PCDHA8: variants seen among roughly 807,000 people sequenced by gnomAD.
PCDHA8 encodes protocadherin alpha 8.
Under a neutral mutation model 61.8 loss-of-function variants are expected in PCDHA8, and 53 were observed. The observed-to-expected ratio is 0.86, with a 90% CI of 0.69 to 1.08. The LOEUF (loss-of-function observed/expected upper bound fraction) is 1.08. PCDHA8 is among the 50% of genes least tolerant of loss of function. The pLI is 0.00. For synonymous variants in PCDHA8, 618 were observed against 556.6 expected (o/e 1.11, Z -1.55); for missense variants, 1,293 against 1,245.0 (o/e 1.04, Z -0.58).
chr5:140,892,408 G>C (rs1323060042), intron 1 of PCDHA8, among the ~76,000 whole-genome samples: 1 of 152,054 alleles, frequency 6.6e-6, no homozygotes, highest in Non-Finnish European at 1.5e-5. Context: ...TCAAGCTTCA[G>C]GTATTCTAGA....
rs1164377412 is a variant in PCDHA8 at position 140,857,264 on chromosome 5, T to C, written c.2394+13549T>C. The stretch of plus-strand genomic sequence containing the variant: ...GTCCACCTACAAGAATTACTACTCA[T>C]TGGTGCTGGACAGCGCTCTGGACCG... On this transcript the variant is annotated intron_variant, in intron 1 of 3. Transcript: ENST00000531613. 5.0e-6 allele frequency: 8 copies of C among 1,598,636 alleles called. 1 individual carries two copies. The highest frequency in any genetic ancestry group is 2.2e-5 in the East Asian group (1 of 44,850).
At chr5:140,968,455 G>C in intron 1 of PCDHA8, 2 of 1,614,084 alleles carry the variant, frequency 1.2e-6, no homozygotes, top group Non-Finnish European at 1.7e-6. Context: ...GCAGCACTGT[G>C]ACTGCCAACG....
intron 1 of PCDHA8, chr5:140,871,303 G>T: frequency 6.2e-7 from 1 of 1,613,972 alleles, no homozygotes; most frequent in Non-Finnish European, 8.5e-7. Flanking sequence ...GTGCGCGCCG[G>T]GGAAGCCCAC....
intron 1 of PCDHA8, among the ~76,000 whole-genome samples, chr5:140,978,150 C>A (rs1009630892): frequency 6.6e-6 from 1 of 152,168 alleles, no homozygotes; most frequent in Non-Finnish European, 1.5e-5. Context: ...TTGTTCTCCC[C>A]CTTCAGACTG....
At chr5:140,993,364 T>G (rs1285844193) in intron 3 of PCDHA8, among the ~76,000 whole-genome samples, 1 of 151,930 alleles carries the variant, frequency 6.6e-6, no homozygotes, top group Non-Finnish European at 1.5e-5. Flanking sequence ...TCACAAAAAC[T>G]ACCTCCCAGC....
intron 1 of PCDHA8, among the ~76,000 whole-genome samples, chr5:140,973,136 C>G (rs2096573800): frequency 6.6e-6 from 1 of 152,168 alleles, no homozygotes; most frequent in Admixed American, 6.5e-5. Context: ...TTTGCATTCA[C>G]TTTCACTTAT....
intron 3 of PCDHA8, among the ~76,000 whole-genome samples, chr5:140,996,253 A>C (rs2153938437): frequency 6.6e-6 from 1 of 152,370 alleles, no homozygotes; most frequent in African/African-American, 2.4e-5. Flanking sequence ...AAGTGACAGC[A>C]ACACAGAGCC....
rs1781057747 is a variant in PCDHA8 at position 140,847,527 on chromosome 5, G to T, written c.2394+3812G>T. On this transcript the variant is annotated intron_variant, in intron 1 of 3. Transcript: ENST00000531613. ...ACTTTGTAGAACTTAGTCAGGAAAA[G>T]AATCTCAAGCATAGCTTTAAAAACA... 2.0e-5 allele frequency: 3 copies of T among 149,526 alleles called. No homozygotes were observed. In the Admixed American group the frequency reaches 2.0e-4, roughly 10 times the overall value. The allele number at this position is 149,526 out of a possible 1,614,324, so 9.3% of individuals were successfully genotyped here.
rs141068049 is a variant in PCDHA8, at chr5:140,842,535, A to C, written c.1214A>C (p.Tyr405Ser). 7.4e-6 allele frequency: 12 copies of C among 1,612,482 alleles called. 1 individual carries two copies. The highest frequency in any genetic ancestry group is 1.0e-5 in the Non-Finnish European group (12 of 1,178,836). The change falls in exon 1 of 4, where the codon TAC becomes TCC. Residue 405 changes from tyrosine (Y) to serine (S), a missense_variant. Coordinates refer to ENST00000531613, the MANE Select transcript of PCDHA8 (RefSeq NM_018911.3). ...CTGGTGTCCACCTTCAAGAATTACT[A>C]CTCGTTGGTGCTGGACAGCGCCCTG... is the stretch of plus-strand genomic sequence containing the variant. ...FKLVSTFKNY[Y>S]SLVLDSALDR...
chr5:140,985,236 C>G (rs1338808702), intron 3 of PCDHA8, among the ~76,000 whole-genome samples: 1 of 152,184 alleles, frequency 6.6e-6, no homozygotes, highest in Admixed American at 6.5e-5. Context: ...CGCGCCTGGC[C>G]TAATCTTCTT....
intron 1 of PCDHA8, chr5:140,868,985 C>A: frequency 1.3e-6 from 2 of 1,500,940 alleles, no homozygotes; most frequent in Non-Finnish European, 1.8e-6. Context: ...ATACCGGATG[C>A]CACCGTTTAA....
intron 3 of PCDHA8, among the ~76,000 whole-genome samples, chr5:140,992,344 T>G (rs2097506257): frequency 6.6e-6 from 1 of 152,124 alleles, no homozygotes; most frequent in Non-Finnish European, 1.5e-5. Context: ...GATGGAAATG[T>G]GGAGAGAGGA....
intron 1 of PCDHA8, chr5:140,856,437 C>T (rs2043996083): frequency 1.9e-6 from 3 of 1,598,304 alleles, no homozygotes; most frequent in Non-Finnish European, 1.7e-6. Flanking sequence ...GACAACCCGC[C>T]CAGGTTCTCC....
intron 1 of PCDHA8, among the ~76,000 whole-genome samples, chr5:140,942,119 A>T (rs1180591078): frequency 6.6e-6 from 1 of 152,242 alleles, no homozygotes; most frequent in African/African-American, 2.4e-5. Context: ...AACTTTATTA[A>T]AGGTGATATT....
Position 140,968,451 on chromosome 5 carries a change from C to T in PCDHA8, c.2395-10498C>T, listed in dbSNP as rs782416830. 9 of 1,614,130 alleles carry T rather than the reference C, an allele frequency of 5.6e-6. No homozygotes were observed. The South Asian group carries it at 9.9e-5, about 18-fold the overall frequency. ...AAGGGGAGCCCACCACTGAGCAGCACTGTGACTGCCAACGTATATGTGGTG... is the reference window on the plus strand; with the variant it reads ...AAGGGGAGCCCACCACTGAGCAGCATTGTGACTGCCAACGTATATGTGGTG... On this transcript the variant is annotated intron_variant, in intron 1 of 3. Transcript: ENST00000531613.
At position 140,841,886 on chromosome 5, in the gene PCDHA8, A is replaced by G; in HGVS notation, c.565A>G (p.Asn189Asp). ...MLDVNSKNDE[N>D]KLVELVLRKS... is the part of the protein sequence containing the mutation. ...AGATGTGAATTCAAAGAACGATGAG[A>G]ATAAACTGGTTGAGCTCGTATTAAG... The change falls in exon 1 of 4, where the codon AAT becomes GAT. Residue 189 changes from asparagine to aspartate, a missense_variant. By Grantham distance (23) the Asn-to-Asp change is conservative (BLOSUM62 1). Coordinates refer to ENST00000531613, the MANE Select transcript of PCDHA8 (RefSeq NM_018911.3). 1 of 1,613,832 alleles carries G rather than the reference A, an allele frequency of 6.2e-7. No individual in the cohort carries two copies. Among genetic ancestry groups the G allele is most frequent in the South Asian group, 1.1e-5 (1 of 91,084 alleles).
intron 1 of PCDHA8, chr5:140,857,580 C>T: frequency 6.3e-7 from 1 of 1,596,630 alleles, no homozygotes; most frequent in African/African-American, 1.3e-5. Flanking sequence ...TCGGTGCACG[C>T]GGAGAGCGGC....
rs201880118 is a variant in PCDHA8 at position 140,842,235 on chromosome 5, G to A, written c.914G>A (p.Arg305Gln). 39 of 1,612,410 alleles carry A rather than the reference G, an allele frequency of 2.4e-5. No individual in the cohort carries two copies. Among genetic ancestry groups the A allele is most frequent in the Non-Finnish European group, 3.0e-5 (35 of 1,178,796 alleles). Residue 305 changes from arginine to glutamine, a missense_variant, in exon 1 of 4, where the codon CGG becomes CAG. Physicochemically the swap from Arg to Gln is conservative, Grantham distance 43. Coordinates refer to ENST00000531613, the MANE Select transcript of PCDHA8 (RefSeq NM_018911.3). ...IDRNTGEIVI[R>Q]GNLDFEQENL... is the part of the protein sequence containing the mutation. ...CGAAATACGGGAGAAATAGTGATTCGGGGTAATTTGGATTTTGAACAAGAA... is the reference window on the plus strand; with the variant it reads ...CGAAATACGGGAGAAATAGTGATTCAGGGTAATTTGGATTTTGAACAAGAA...
chr5:140,985,792 T>G (rs1043772430), intron 3 of PCDHA8, among the ~76,000 whole-genome samples: 1 of 142,326 alleles, frequency 7.0e-6, no homozygotes. Flanking sequence ...CAGGCTGGAG[T>G]GCAGTGGCAC....
Sources: allele counts gnomAD v4.1 joint callset (sites outside exome capture counted in the v4.1 genomes callset), GRCh38; gene constraint gnomAD v4.1.1; transcripts MANE v1.5; gene names NCBI Gene and HGNC (gene_info 2026-07-23, HGNC 2026-07-21).